The following EYA1 variants were observed in gnomAD, a reference collection of about 807,000 sequenced individuals.
EYA1 encodes EYA transcriptional coactivator and phosphatase 1.
EYA1 carries 16 observed loss-of-function variants against 82.0 expected under a neutral mutation model. That is an observed-to-expected ratio of 0.20 (90% CI 0.13 to 0.30). The LOEUF (loss-of-function observed/expected upper bound fraction) is 0.30. Among genes scored for constraint, EYA1 ranks in the 10% least tolerant of loss-of-function variants. EYA1 has a pLI of 1.00. For missense variants in EYA1, 633 were observed against 730.7 expected (o/e 0.87, Z 1.54); for synonymous variants, 261 against 264.4 (o/e 0.99, Z 0.12).
intron 1 of EYA1, among the ~76,000 whole-genome samples, chr8:71,360,385 C>A (rs1186910567): frequency 2.6e-5 from 4 of 152,110 alleles, no homozygotes; most frequent in African/African-American, 9.7e-5. Flanking sequence ...ATTCTTAATA[C>A]GATTTTCACA....
In EYA1 at chr8:71,199,089, CAT is replaced by C; in HGVS notation, c.*249_*250del. 1.8e-6 allele frequency: 1 copy of C among 559,984 alleles called. No homozygotes were observed. Among genetic ancestry groups the C allele is most frequent in the South Asian group, 1.9e-5 (1 of 52,596 alleles). The allele number at this position is 559,984 out of a possible 1,614,324, so 34.7% of individuals were successfully genotyped here. ...AACCGTGTAGTTAATGTGGCAGACA[CAT>C]AACGCTGTGCTAAAACATTCTCATG... On this transcript the variant is annotated 3_prime_UTR_variant, in exon 18 of 18. Coordinates refer to ENST00000340726, the MANE Select transcript of EYA1 (RefSeq NM_000503.6).
intron 2 of EYA1, among the ~76,000 whole-genome samples, chr8:71,375,281 T>TA (rs1181893236): frequency 5.9e-5 from 9 of 151,398 alleles, no homozygotes; most frequent in African/African-American, 2.2e-4. Flanking sequence ...TATAATTTTT[T>TA]AAAATGGGAA....
intron 12 of EYA1, among the ~76,000 whole-genome samples, chr8:71,229,317 C>G (rs768175547): frequency 1.3e-5 from 2 of 152,072 alleles, no homozygotes; most frequent in Admixed American, 1.3e-4. Flanking sequence ...TAATAACTAC[C>G]ATTATTGACA....
chr8:71,223,102 G>T (rs1810134343), intron 12 of EYA1, among the ~76,000 whole-genome samples: 1 of 152,220 alleles, frequency 6.6e-6, no homozygotes, highest in African/African-American at 2.4e-5. Flanking sequence ...CCGGGTCTCT[G>T]CCAGGCGTGG....
At chr8:71,545,745 T>G (rs1051955982) in intron 1 of EYA1, among the ~76,000 whole-genome samples, 2 of 151,980 alleles carry the variant, frequency 1.3e-5, no homozygotes, top group Admixed American at 6.6e-5. Flanking sequence ...GTATTTTTAG[T>G]AGTGGCAGGG....
chr8:71,399,181 G>T (rs564325873), intron 2 of EYA1, among the ~76,000 whole-genome samples: 1 of 152,086 alleles, frequency 6.6e-6, no homozygotes, highest in African/African-American at 2.4e-5. Context: ...TGATTTTCCC[G>T]GTACCGTCTG....
rs1388685912 is a variant in EYA1, at chr8:71,410,390, A to T, written c.34-53879T>A. On this transcript the variant is annotated intron_variant, in intron 2 of 18. Coordinates refer to the EYA1 transcript ENST00000643681. ...GAAGTTCTGGCCAGGGCAATCAGGCAGGAGAAGGAAATAAAGGGTATTCAA... is the reference window on the plus strand; with the variant it reads ...GAAGTTCTGGCCAGGGCAATCAGGCTGGAGAAGGAAATAAAGGGTATTCAA... Among the ~76,000 whole-genome samples the T allele has an allele frequency of 3.0e-5, 3 of 101,304 alleles. No homozygotes were observed. In the Admixed American group the frequency reaches 3.3e-4, roughly 11 times the overall value. The allele number at this position is 101,304 out of a possible 152,430, so 66.5% of individuals were successfully genotyped here. A position where few individuals can be genotyped will look rare whatever the true frequency, so the allele number is the denominator to read the frequency against.
intron 2 of EYA1, among the ~76,000 whole-genome samples, chr8:71,427,909 G>A (rs554276390): frequency 6.6e-6 from 1 of 151,782 alleles, no homozygotes; most frequent in African/African-American, 2.4e-5. Flanking sequence ...GAGCCTGGGA[G>A]GTCGAGGCTG....
intron 11 of EYA1, among the ~76,000 whole-genome samples, chr8:71,268,970 T>C (rs1322854103): frequency 1.3e-5 from 2 of 152,218 alleles, no homozygotes; most frequent in Admixed American, 6.5e-5. Flanking sequence ...AGACTTATTA[T>C]TTCTTTACAG....
chr8:71,525,271 T>C (rs1448734412), intron 2 of EYA1, among the ~76,000 whole-genome samples: 1 of 152,304 alleles, frequency 6.6e-6, no homozygotes, highest in Non-Finnish European at 1.5e-5. Flanking sequence ...TACTGTTTTA[T>C]TGATACAAGA....
intron 12 of EYA1, among the ~76,000 whole-genome samples, chr8:71,218,221 A>C (rs944804118): frequency 6.6e-6 from 1 of 152,202 alleles, no homozygotes; most frequent in African/African-American, 2.4e-5. Flanking sequence ...CATGTTTCAG[A>C]TAGAGTTAAT....
chr8:71,506,912 T>C (rs1812233347), intron 2 of EYA1, among the ~76,000 whole-genome samples: 1 of 137,964 alleles, frequency 7.2e-6, no homozygotes. Context: ...GATACTAGAT[T>C]ATATATAAAG....
chr8:71,233,415 T>C (rs1433757553), intron 12 of EYA1, among the ~76,000 whole-genome samples: 1 of 151,618 alleles, frequency 6.6e-6, no homozygotes, highest in Non-Finnish European at 1.5e-5. Context: ...ACACAAAAAA[T>C]TAGTTGGGCG....
intron 2 of EYA1, chr8:71,530,749 T>C (rs901586514): frequency 6.6e-6 from 1 of 152,210 alleles, no homozygotes; most frequent in African/African-American, 2.4e-5. Context: ...CATCTCCAAG[T>C]ACAGGAATAA....
At chr8:71,296,145 T>C (rs1471714332) in intron 9 of EYA1, among the ~76,000 whole-genome samples, 1 of 152,226 alleles carries the variant, frequency 6.6e-6, no homozygotes, top group African/African-American at 2.4e-5. Flanking sequence ...TTTTAGTTTT[T>C]AAAATAGAGT....
intron 1 of EYA1, among the ~76,000 whole-genome samples, chr8:71,546,866 G>A (rs1367613895): frequency 1.3e-5 from 2 of 152,084 alleles, no homozygotes; most frequent in Middle Eastern, 6.3e-3. Flanking sequence ...TCTCCCACTG[G>A]AATTTTTTAA....
intron 2 of EYA1, among the ~76,000 whole-genome samples, chr8:71,487,220 AT>A (rs1233553365): frequency 1.3e-5 from 2 of 152,218 alleles, no homozygotes; most frequent in Non-Finnish European, 2.9e-5. Flanking sequence ...CTCACATATT[AT>A]TTAAGAAACA....
intron 2 of EYA1, chr8:71,531,023 C>G (rs577122509): frequency 9.2e-5 from 14 of 152,274 alleles, no homozygotes; most frequent in African/African-American, 2.4e-4. Context: ...ATTCCACCCC[C>G]CAATGCATGA....
Position 71,227,557 on chromosome 8 carries a change from C to T in EYA1, c.1141-10534G>A, listed in dbSNP as rs7015937. Among the ~76,000 whole-genome samples the T allele has an allele frequency of 7.0e-3, 1,059 of 152,262 alleles. 2 individuals are homozygous for T. The highest frequency in any genetic ancestry group is 0.011 in the Admixed American group (169 of 15,284). On this transcript the variant is annotated intron_variant, in intron 12 of 17. Transcript: ENST00000340726. ...TCATGGCCATTTGCAGAAAGTGAAT[C>T]GCATACCAATTTATTCACAAAGCAT...
Sources: allele counts gnomAD v4.1 joint callset (sites outside exome capture counted in the v4.1 genomes callset), GRCh38; gene constraint gnomAD v4.1.1; transcripts MANE v1.5; gene names NCBI Gene and HGNC (gene_info 2026-07-23, HGNC 2026-07-21).